The following CACNA1C variants were observed in gnomAD, a reference collection of about 807,000 sequenced individuals.
CACNA1C encodes voltage-dependent L-type calcium channel subunit alpha-1C.
A neutral mutation model predicts 229.0 loss-of-function variants in CACNA1C; 30 were observed. The ratio of observed to expected loss-of-function variants is 0.13; its 90% confidence interval spans 0.10 to 0.18. The LOEUF (loss-of-function observed/expected upper bound fraction) is 0.18. Ranked by LOEUF, CACNA1C falls within the 10% of genes least tolerant of loss-of-function variation. CACNA1C has a pLI of 1.00. For missense variants in CACNA1C, 1,658 were observed against 2,845.0 expected (o/e 0.58, Z 9.49); for synonymous variants, 1,114 against 1,132.5 (o/e 0.98, Z 0.33).
chr12:2,534,317 G>A (rs1363087889), intron 9 of CACNA1C, among the ~76,000 whole-genome samples: 2 of 152,196 alleles, frequency 1.3e-5, no homozygotes, highest in Non-Finnish European at 2.9e-5. Flanking sequence ...TAGATGGGTA[G>A]AGTGAAAGCG....
intron 3 of CACNA1C, among the ~76,000 whole-genome samples, chr12:2,226,125 G>GCA (rs59055471): frequency 0.013 from 1,860 of 142,840 alleles, 13 homozygotes; most frequent in Admixed American, 0.015. Context: ...ATGGGGACGC[G>GCA]CACACACACA....
chr12:2,378,824 C>CTTTT (rs147464208), intron 3 of CACNA1C, among the ~76,000 whole-genome samples: 65 of 146,380 alleles, frequency 4.4e-4, no homozygotes, highest in African/African-American at 1.6e-3. Context: ...CTTCCTCTCT[C>CTTTT]TCTTTCCTTC....
At chr12:2,550,706 G>A in intron 10 of CACNA1C, 1 of 1,298,274 alleles carries the variant, frequency 7.7e-7, no homozygotes, top group Non-Finnish European at 1.0e-6. Context: ...GGGCGGGGCA[G>A]GGCGGCATCT....
In CACNA1C at chr12:2,680,655, A is replaced by G; in HGVS notation, c.5444+859A>G. On this transcript the variant is annotated intron_variant, in intron 42 of 46. Transcript: ENST00000399655. ...CCTCTAAACCCCTGGAAAAGTGTCC[A>G]TCCAAGGAGCAGGCACACCTGCCGC... 2.3e-6 allele frequency: 3 copies of G among 1,278,420 alleles called. No individual in the cohort carries two copies. In the South Asian group the frequency reaches 4.2e-5, roughly 18 times the overall value. The allele number at this position is 1,278,420 out of a possible 1,614,324, so 79.2% of individuals were successfully genotyped here. A position where few individuals can be genotyped will look rare whatever the true frequency, so the allele number is the denominator to read the frequency against.
intron 5 of CACNA1C, among the ~76,000 whole-genome samples, chr12:2,482,824 C>T (rs377581817): frequency 6.6e-6 from 1 of 152,178 alleles, no homozygotes; most frequent in Non-Finnish European, 1.5e-5. Flanking sequence ...GTCGTAGTTC[C>T]ATCCTGTGGT....
intron 43 of CACNA1C, among the ~76,000 whole-genome samples, chr12:2,683,533 G>A (rs1364680012): frequency 1.3e-5 from 2 of 152,204 alleles, no homozygotes; most frequent in African/African-American, 4.8e-5. Context: ...GAGGGCATAT[G>A]TCATTTCAAT....
Position 2,339,196 on chromosome 12 carries a change from C to G in CACNA1C, c.478-109780C>G, listed in dbSNP as rs528214809. On this transcript the variant is annotated intron_variant, in intron 3 of 46. Transcript: ENST00000399655. ...CCATCGTTCCTTGGATTCCGTACAG[C>G]ATGCCACTGTACTTCAGTACTGTAA... 1.8e-3 allele frequency among the ~76,000 whole-genome samples: 275 copies of G among 152,364 alleles called. 3 individuals are homozygous for G. The highest frequency in any genetic ancestry group is 7.0e-3 in the Admixed American group (107 of 15,304).
At chr12:2,518,382 G>A (rs2099802138) in intron 9 of CACNA1C, among the ~76,000 whole-genome samples, 1 of 152,198 alleles carries the variant, frequency 6.6e-6, no homozygotes, top group South Asian at 2.1e-4. Flanking sequence ...GCCGAGGCGG[G>A]TGGATCATGA....
Position 2,585,932 on chromosome 12 carries a change from T to C in CACNA1C, c.2530+28T>C, listed in dbSNP as rs2062252483. 5 of 1,407,492 alleles carry C rather than the reference T, an allele frequency of 3.6e-6. No homozygotes were observed. In the South Asian group the frequency reaches 3.9e-5, roughly 11 times the overall value. 87.2% of individuals were successfully genotyped at this position (1,407,492 alleles called of 1,614,324 possible). A position where few individuals can be genotyped will look rare whatever the true frequency, so the allele number is the denominator to read the frequency against. ...ACCAGTCCCACTGCCTAACCTGGGATTGGGAGATTGGGGGCAGAGATCTAA... is the reference window on the plus strand; with the variant it reads ...ACCAGTCCCACTGCCTAACCTGGGACTGGGAGATTGGGGGCAGAGATCTAA... On this transcript the variant is annotated intron_variant, in intron 18 of 46. Coordinates refer to ENST00000399655, the MANE Select transcript of CACNA1C (RefSeq NM_000719.7). This position sits in a 1 kb window ranked among gnomAD's most constrained non-coding sequence, Gnocchi z 4.1.
intron 1 of CACNA1C, among the ~76,000 whole-genome samples, chr12:2,040,768 G>A (rs921327062): frequency 3.3e-5 from 5 of 152,190 alleles, no homozygotes; most frequent in Non-Finnish European, 5.9e-5. Context: ...CATCTTTGTG[G>A]TAATAAGTAC....
At chr12:2,020,335 T>C (rs531675416) in intron 1 of CACNA1C, 1 of 152,312 alleles carries the variant, frequency 6.6e-6, no homozygotes, top group South Asian at 2.1e-4. Flanking sequence ...TTGAATAAGT[T>C]GTCCAGTGTC....
At chr12:2,072,075 C>T (rs1253381697) in intron 1 of CACNA1C, among the ~76,000 whole-genome samples, 3 of 152,012 alleles carry the variant, frequency 2.0e-5, no homozygotes, top group Admixed American at 6.6e-5. Flanking sequence ...AATAAATATA[C>T]CTCTGCTTGG....
At chr12:1,974,745 G>A (rs1165627470) in intron 1 of CACNA1C, among the ~76,000 whole-genome samples, 3 of 152,128 alleles carry the variant, frequency 2.0e-5, no homozygotes, top group Non-Finnish European at 1.5e-5. Context: ...CCTGAAAAAT[G>A]TAAGATTTAG....
chr12:2,304,417 T>C (rs534025709), intron 3 of CACNA1C, among the ~76,000 whole-genome samples: 7 of 152,306 alleles, frequency 4.6e-5, no homozygotes, highest in African/African-American at 1.7e-4. Context: ...ATAGCACTGA[T>C]ATCCAACCCG....
rs192588937 is a variant in CACNA1C, at chr12:2,128,123, A to T, written c.477+7693A>T. 2.4e-3 allele frequency among the ~76,000 whole-genome samples: 364 copies of T among 152,186 alleles called. 1 individual carries two copies. The highest frequency in any genetic ancestry group is 3.3e-3 in the Non-Finnish European group (224 of 67,982). Reference sequence around the variant, plus strand: ...GGATCCTGTGAAGTGTTATCCCTTTATTTCAGATAAGAAAGTAAAGTCTCA... The same window carrying T: ...GGATCCTGTGAAGTGTTATCCCTTTTTTTCAGATAAGAAAGTAAAGTCTCA... On this transcript the variant is annotated intron_variant, in intron 3 of 46. Coordinates refer to ENST00000399655, the MANE Select transcript of CACNA1C (RefSeq NM_000719.7).
intron 1 of CACNA1C, among the ~76,000 whole-genome samples, chr12:2,016,471 C>T (rs2045390546): frequency 6.6e-6 from 1 of 151,898 alleles, no homozygotes. Flanking sequence ...CTCTTGTTGC[C>T]CAGGCTGGAG....
At chr12:2,212,206 G>A (rs2097943121) in intron 3 of CACNA1C, among the ~76,000 whole-genome samples, 1 of 152,160 alleles carries the variant, frequency 6.6e-6, no homozygotes, top group African/African-American at 2.4e-5. Flanking sequence ...TCCTAAATGT[G>A]TGTTTCTTGC....
At chr12:2,142,653 A>T (rs1290774820) in intron 3 of CACNA1C, among the ~76,000 whole-genome samples, 2 of 151,258 alleles carry the variant, frequency 1.3e-5, no homozygotes, top group African/African-American at 2.4e-5. Flanking sequence ...GTGGCACAAG[A>T]TGTGGAAGAC....
intron 1 of CACNA1C, among the ~76,000 whole-genome samples, chr12:2,088,209 T>C (rs1276078283): frequency 2.0e-5 from 3 of 152,264 alleles, no homozygotes; most frequent in South Asian, 2.1e-4. Context: ...TCTTTGGTTC[T>C]TGCCTTGAGA....
Sources: gnomAD v4.1 joint callset for allele counts (sites outside exome capture counted in the v4.1 genomes callset) on GRCh38, gnomAD v4.1.1 for gene constraint, Gnocchi (gnomAD v3.1) non-coding constraint, MANE v1.5 for transcripts, NCBI Gene and HGNC (gene_info 2026-07-23, HGNC 2026-07-21) for gene names.